The following CT45A1 variants were observed in gnomAD, a reference collection of about 807,000 sequenced individuals.
The protein encoded by CT45A1 is cancer/testis antigen 45-1.
At chrX:135,709,550 G>A (rs1556569038), upstream of CT45A1, among the ~76,000 whole-genome samples, 1 of 112,710 alleles carries the variant, frequency 8.9e-6, no homozygotes, top group Admixed American at 9.4e-5. Flanking sequence ...TTACAGGCGT[G>A]AGCCACTGTG....
chrX:135,712,929 T>TTTC (rs782757219), upstream of CT45A1, among the ~76,000 whole-genome samples: 2 of 62,927 alleles, frequency 3.2e-5, no homozygotes, highest in Admixed American at 1.7e-4. Context: ...TTTTCTTTTC[T>TTTC]TTTCTTTTTT....
intron 1 of CT45A1, among the ~76,000 whole-genome samples, chrX:135,717,227 C>CAATAATGTCTTTT (rs1194699547): frequency 1.8e-5 from 2 of 111,584 alleles, no homozygotes; most frequent in East Asian, 2.8e-4. Context: ...AGAGACTTGA[C>CAATAATGTCTTTT]AATAATGTCT....
At chrX:135,714,638 C>G (rs1234125122) in intron 1 of CT45A1, among the ~76,000 whole-genome samples, 14 of 111,222 alleles carry the variant, frequency 1.3e-4, no homozygotes, top group Non-Finnish European at 2.5e-4. Context: ...TACAGTTAGT[C>G]TTTCATTCCA....
At chrX:135,715,225 A>AT (rs2087969208) in intron 1 of CT45A1, among the ~76,000 whole-genome samples, 1 of 88,380 alleles carries the variant, frequency 1.1e-5, no homozygotes, top group South Asian at 4.9e-4. Flanking sequence ...ACTTATATAT[A>AT]TATAATACTT....
chrX:135,717,174 T>C, intron 1 of CT45A1, among the ~76,000 whole-genome samples: 1 of 112,177 alleles, frequency 8.9e-6, no homozygotes. Context: ...AAAACTTTTG[T>C]TAACATGGTG....
upstream of CT45A1, among the ~76,000 whole-genome samples, chrX:135,712,908 TTC>T (rs1404793585): frequency 9.3e-6 from 1 of 107,199 alleles, no homozygotes; most frequent in Non-Finnish European, 1.9e-5. Context: ...TCTTTCTTCT[TTC>T]TTTCTTTCTT....
At chrX:135,717,371 A>G (rs1197733641) in intron 1 of CT45A1, among the ~76,000 whole-genome samples, 3 of 111,408 alleles carry the variant, frequency 2.7e-5, no homozygotes, top group Admixed American at 9.6e-5. Flanking sequence ...TAACATAGTG[A>G]AACCCCGTCT....
At chrX:135,708,743 C>A (rs1345294365), upstream of CT45A1, among the ~76,000 whole-genome samples, 2 of 111,483 alleles carry the variant, frequency 1.8e-5, no homozygotes, top group African/African-American at 6.5e-5. Context: ...TCTTGACATG[C>A]CAGACTACTA....
chrX:135,712,066 G>A (rs1157315183), upstream of CT45A1, among the ~76,000 whole-genome samples: 1 of 107,480 alleles, frequency 9.3e-6, no homozygotes, highest in African/African-American at 3.4e-5. Flanking sequence ...AGGTGACAGA[G>A]CCAGACTCTG....
upstream of CT45A1, among the ~76,000 whole-genome samples, chrX:135,709,854 G>A (rs1332792186): frequency 1.8e-5 from 2 of 111,479 alleles, no homozygotes; most frequent in Non-Finnish European, 3.8e-5. Context: ...AAAACTGTAC[G>A]TGTACCCTTC....
upstream of CT45A1, among the ~76,000 whole-genome samples, chrX:135,713,189 C>A (rs1422600205): frequency 5.5e-4 from 56 of 102,161 alleles, no homozygotes; most frequent in African/African-American, 1.8e-3. Flanking sequence ...AGGCGCCCGC[C>A]ACCATGCCCA....
At chrX:135,716,044 T>C (rs1556571493) in intron 1 of CT45A1, among the ~76,000 whole-genome samples, 2 of 111,276 alleles carry the variant, frequency 1.8e-5, no homozygotes, top group African/African-American at 6.5e-5. Flanking sequence ...TATTCCATGG[T>C]GTATATGTGC....
At chrX:135,713,011 C>CTCTCTCTCTCTT (rs782125133), upstream of CT45A1, among the ~76,000 whole-genome samples, 2 of 60,431 alleles carry the variant, frequency 3.3e-5, no homozygotes, top group African/African-American at 1.3e-4. Context: ...CTCTCTCTCT[C>CTCTCTCTCTCTT]TCTTTCTTTC....
At chrX:135,715,378 T>TTATATATAATACTTA (rs1332072620) in intron 1 of CT45A1, among the ~76,000 whole-genome samples, 2 of 69,461 alleles carry the variant, frequency 2.9e-5, no homozygotes, top group Non-Finnish European at 5.0e-5. Context: ...TATATAATAC[T>TTATATATAATACTTA]TATATATAAT....
In CT45A1 at chrX:135,713,674, G is replaced by T; in HGVS notation, c.-23G>T. 5 of 751,585 alleles carry T rather than the reference G, an allele frequency of 6.7e-6. No individual in the cohort carries two copies. Among genetic ancestry groups the T allele is most frequent in the Non-Finnish European group, 7.8e-6 (5 of 637,142 alleles). 61.9% of individuals were successfully genotyped at this position (751,585 alleles called of 1,213,427 possible). Reference sequence around the variant, plus strand: ...CACTGCCATTTTGTGAGGTGCTGCTGTCTCTCCTCCAGCAAGGTCAGGACT... The same window carrying T: ...CACTGCCATTTTGTGAGGTGCTGCTTTCTCTCCTCCAGCAAGGTCAGGACT... On this transcript the variant is annotated 5_prime_UTR_variant, in exon 1 of 5. Transcript: ENST00000594565.
chrX:135,714,411 G>A (rs1334488414), intron 1 of CT45A1, among the ~76,000 whole-genome samples: 10 of 109,410 alleles, frequency 9.1e-5, no homozygotes, highest in Non-Finnish European at 1.7e-4. Flanking sequence ...GGGACTCAGG[G>A]AGCTCTGTGT....
At chrX:135,716,307 A>G (rs1441575651) in intron 1 of CT45A1, among the ~76,000 whole-genome samples, 1 of 111,597 alleles carries the variant, frequency 9.0e-6, no homozygotes, top group Non-Finnish European at 1.9e-5. Context: ...ATAATATTCT[A>G]AGTTTTCTTC....
In CT45A1 at chrX:135,713,673, T is replaced by C. The variant is rs781805492; in HGVS notation, c.-24T>C. The C allele has an allele frequency of 2.3e-4, 175 of 748,881 alleles. No individual in the cohort carries two copies. Among genetic ancestry groups the C allele is most frequent in the African/African-American group, 2.6e-4 (11 of 42,740 alleles). 61.7% of individuals were successfully genotyped at this position (748,881 alleles called of 1,213,427 possible). ...TCACTGCCATTTTGTGAGGTGCTGC[T>C]GTCTCTCCTCCAGCAAGGTCAGGAC... is the stretch of plus-strand genomic sequence containing the variant. On this transcript the variant is annotated 5_prime_UTR_variant, in exon 1 of 5. Transcript: ENST00000594565.
chrX:135,713,704 G>T lies in CT45A1; in HGVS notation c.-7+14G>T. On this transcript the variant is annotated intron_variant, in intron 1 of 4. Coordinates refer to ENST00000594565, the MANE Select transcript of CT45A1 (RefSeq NM_001017417.3). ...TCCTCCAGCAAGGTCAGGACTTAAG[G>T]ACTGTGAGTGGGGCAGTTTTTCCCT... The T allele has an allele frequency of 1.3e-6, 1 of 745,575 alleles. No homozygotes were observed. The highest frequency in any genetic ancestry group is 1.6e-6 in the Non-Finnish European group (1 of 631,512). The allele number at this position is 745,575 out of a possible 1,213,427, so 61.4% of individuals were successfully genotyped here. A position where few individuals can be genotyped will look rare whatever the true frequency, so the allele number is the denominator to read the frequency against.
Sources: allele counts gnomAD v4.1 joint callset (sites outside exome capture counted in the v4.1 genomes callset), GRCh38; gene constraint gnomAD v4.1.1; transcripts MANE v1.5; gene names NCBI Gene and HGNC (gene_info 2026-07-23, HGNC 2026-07-21).